PTPRD: variants seen among roughly 807,000 people sequenced by gnomAD.
PTPRD encodes the protein receptor-type tyrosine-protein phosphatase delta.
A neutral mutation model predicts 214.5 loss-of-function variants in PTPRD; 34 were observed. That is an observed-to-expected ratio of 0.16 (90% CI 0.12 to 0.21). PTPRD has a LOEUF of 0.21. Among genes scored for constraint, PTPRD ranks in the 10% least tolerant of loss-of-function variants. The pLI, the probability that PTPRD is intolerant of heterozygous loss-of-function variation, is 1.00. For synonymous variants in PTPRD, 1,128 were observed against 845.7 expected (o/e 1.33, Z -5.79); for missense variants, 2,545 against 2,398.7 (o/e 1.06, Z -1.27).
chr9:10,459,178 T>G (rs1314920620), intron 2 of PTPRD, among the ~76,000 whole-genome samples: 1 of 152,202 alleles, frequency 6.6e-6, no homozygotes. Flanking sequence ...GCCAGTTTGC[T>G]GAGAATGATG....
intron 14 of PTPRD, among the ~76,000 whole-genome samples, chr9:8,621,098 C>G (rs544242121): frequency 6.6e-6 from 1 of 151,988 alleles, no homozygotes; most frequent in East Asian, 1.9e-4. Context: ...TGGAAGGCAT[C>G]GTACAAGGGA....
At chr9:8,526,333 G>T (rs2074134165) in intron 17 of PTPRD, among the ~76,000 whole-genome samples, 2 of 151,602 alleles carry the variant, frequency 1.3e-5, no homozygotes, top group African/African-American at 4.8e-5. Flanking sequence ...GGGACAGATG[G>T]TACGCTGTGA....
intron 2 of PTPRD, among the ~76,000 whole-genome samples, chr9:10,522,524 T>A (rs941933105): frequency 1.3e-5 from 2 of 152,142 alleles, no homozygotes; most frequent in African/African-American, 4.8e-5. Context: ...TATGTCAGAA[T>A]GTTTGGAATT....
chr9:10,092,974 T>C (rs775488667), intron 3 of PTPRD, among the ~76,000 whole-genome samples: 5 of 151,598 alleles, frequency 3.3e-5, no homozygotes, highest in Admixed American at 1.3e-4. Context: ...AAGATTTAGA[T>C]GTAAAACTTC....
chr9:8,661,762 G>C (rs1010160146), intron 12 of PTPRD, among the ~76,000 whole-genome samples: 4 of 152,116 alleles, frequency 2.6e-5, no homozygotes, highest in Non-Finnish European at 4.4e-5. Flanking sequence ...TCCAACCATT[G>C]ACACTTATTG....
intron 5 of PTPRD, among the ~76,000 whole-genome samples, chr9:9,811,213 C>A (rs2047029207): frequency 1.3e-5 from 2 of 151,992 alleles, no homozygotes; most frequent in African/African-American, 2.4e-5. Flanking sequence ...CAAAATAAAT[C>A]AATAAAAGCA....
intron 39 of PTPRD, among the ~76,000 whole-genome samples, chr9:8,346,939 A>G (rs1010662832): frequency 6.6e-6 from 1 of 152,158 alleles, no homozygotes; most frequent in African/African-American, 2.4e-5. Flanking sequence ...CGGCCACAGT[A>G]TGTGATAAGC....
intron 9 of PTPRD, among the ~76,000 whole-genome samples, chr9:9,256,733 T>C (rs1299851746): frequency 6.6e-6 from 1 of 152,010 alleles, no homozygotes; most frequent in East Asian, 1.9e-4. Flanking sequence ...CCAAAATGGA[T>C]AGAAATGACA....
At chr9:8,396,882 G>A (rs1310599194) in intron 36 of PTPRD, among the ~76,000 whole-genome samples, 1 of 152,022 alleles carries the variant, frequency 6.6e-6, no homozygotes, top group East Asian at 1.9e-4. Flanking sequence ...AAGAAATTAA[G>A]CTATAAAAAT....
chr9:9,117,422 A>G (rs1285815879), intron 10 of PTPRD, among the ~76,000 whole-genome samples: 1 of 152,138 alleles, frequency 6.6e-6, no homozygotes. Context: ...AGTGATTCAA[A>G]TGAGATAATG....
At chr9:9,263,133 T>A (rs2099980866) in intron 9 of PTPRD, among the ~76,000 whole-genome samples, 1 of 151,744 alleles carries the variant, frequency 6.6e-6, no homozygotes, top group Non-Finnish European at 1.5e-5. Flanking sequence ...GGGGGCTCTG[T>A]TACATTTTGA....
chr9:10,216,941 A>G (rs1245406342), intron 3 of PTPRD, among the ~76,000 whole-genome samples: 1 of 151,994 alleles, frequency 6.6e-6, no homozygotes, highest in Non-Finnish European at 1.5e-5. Context: ...TTCCTCCACT[A>G]GTCAAAAAAT....
chr9:8,546,435 G>T (rs909647492), intron 14 of PTPRD, among the ~76,000 whole-genome samples: 1 of 152,066 alleles, frequency 6.6e-6, no homozygotes, highest in Non-Finnish European at 1.5e-5. Context: ...TCGTTCTCAA[G>T]AACTATGGGA....
At chr9:10,449,447 C>T (rs1013523215) in intron 2 of PTPRD, among the ~76,000 whole-genome samples, 4 of 151,786 alleles carry the variant, frequency 2.6e-5, no homozygotes, top group East Asian at 1.9e-4. Context: ...TGGCAGCCTC[C>T]GCCCGGCGGC....
intron 12 of PTPRD, among the ~76,000 whole-genome samples, chr9:8,711,167 A>G (rs2098325534): frequency 6.6e-6 from 1 of 152,098 alleles, no homozygotes; most frequent in Non-Finnish European, 1.5e-5. Flanking sequence ...CACTACCAAT[A>G]TATATGTAAG....
chr9:10,302,076 G>A (rs987697221), intron 3 of PTPRD, among the ~76,000 whole-genome samples: 1 of 152,164 alleles, frequency 6.6e-6, no homozygotes, highest in African/African-American at 2.4e-5. Context: ...GGATCTCTTG[G>A]CAGAAACCCT....
At position 8,535,003 on chromosome 9, in the gene PTPRD, A is replaced by G. The variant is rs370772213; in HGVS notation, c.353-6224T>C. Among the ~76,000 whole-genome samples, 45 of 152,048 alleles carry G rather than the reference A, an allele frequency of 3.0e-4. No individual in the cohort carries two copies. The South Asian group carries it at 9.1e-3, about 31-fold the overall frequency. ...TGCTGGACTGGGCCAGGCACTGGGT[A>G]TGAAGTAATCTAGATAATCTCTATA... On this transcript the variant is annotated intron_variant, in intron 14 of 45. Coordinates refer to ENST00000381196, the MANE Select transcript of PTPRD (RefSeq NM_002839.4).
chr9:9,428,799 G>A (rs574989884), intron 8 of PTPRD, among the ~76,000 whole-genome samples: 164 of 152,280 alleles, frequency 1.1e-3, no homozygotes, highest in African/African-American at 3.8e-3. Context: ...GCTCCTGAAT[G>A]ACTACTGGGT....
Position 9,413,100 on chromosome 9 carries a change from C to CTTTTTTTTTTTTTTTTTTTTTTT in PTPRD, c.-236-15641_-236-15619dup, listed in dbSNP as rs5896325. ...CAAGTTATAAAATATCTTGCAGCTT[C>CTTTTTTTTTTTTTTTTTTTTTTT]TTTTTTTTTTTTTTTTTTTTTTTTT... On this transcript the variant is annotated intron_variant, in intron 8 of 45. Coordinates refer to ENST00000381196, the MANE Select transcript of PTPRD (RefSeq NM_002839.4). 4.8e-5 allele frequency among the ~76,000 whole-genome samples: 3 copies of CTTTTTTTTTTTTTTTTTTTTTTT among 63,026 alleles called. 1 individual carries two copies. Among genetic ancestry groups the CTTTTTTTTTTTTTTTTTTTTTTT allele is most frequent in the Non-Finnish European group, 7.8e-5 (3 of 38,520 alleles). The allele number at this position is 63,026 out of a possible 152,430, so 41.3% of individuals were successfully genotyped here. A position where few individuals can be genotyped will look rare whatever the true frequency, so the allele number is the denominator to read the frequency against.
Sources: allele counts gnomAD v4.1 joint callset (sites outside exome capture counted in the v4.1 genomes callset), GRCh38; gene constraint gnomAD v4.1.1; transcripts MANE v1.5; gene names NCBI Gene and HGNC (gene_info 2026-07-23, HGNC 2026-07-21).